ANKRD52: variants seen among roughly 807,000 people sequenced by gnomAD.
ANKRD52 encodes the protein ankyrin repeat domain 52.
In ANKRD52, 7 loss-of-function variants were observed where a neutral mutation model predicts 116.0. The ratio of observed to expected loss-of-function variants is 0.06; its 90% CI spans 0.03 to 0.11. The LOEUF (loss-of-function observed/expected upper bound fraction) is 0.11, where lower values mean the gene tolerates loss of function less well. Among genes scored for constraint, ANKRD52 ranks in the 10% least tolerant of loss-of-function variants. The pLI is 1.00. For missense variants in ANKRD52, 839 were observed against 1,408.6 expected, an observed-to-expected ratio of 0.60 and a Z score of 6.47; for synonymous variants, 528 against 578.1, an observed-to-expected ratio of 0.91 and a Z score of 1.24.
rs369801707 is a variant in ANKRD52 at position 56,256,224 on chromosome 12, C to T, written c.262-240G>A. Among the ~76,000 whole-genome samples the T allele has an allele frequency of 2.6e-5, 4 of 152,294 alleles. No individual in the cohort carries two copies. The East Asian group carries it at 7.7e-4, about 29-fold the overall frequency. ...GGACCCTTTGCTCTTCTTCAAGCCACCTGACTCGCCAACTTAGACCCTGAA... is the reference window on the plus strand; with the variant it reads ...GGACCCTTTGCTCTTCTTCAAGCCATCTGACTCGCCAACTTAGACCCTGAA... On this transcript the variant is annotated intron_variant, in intron 4 of 27. Coordinates refer to ENST00000267116, the MANE Select transcript of ANKRD52 (RefSeq NM_173595.4).
In ANKRD52 at chr12:56,240,600, T is replaced by C. The variant is rs934520688; in HGVS notation, c.*2542A>G. 9 of 151,432 alleles carry C rather than the reference T, an allele frequency of 5.9e-5. No individual in the cohort carries two copies. Among genetic ancestry groups the C allele is most frequent in the Non-Finnish European group, 1.3e-4 (9 of 67,912 alleles). 9.4% of individuals were successfully genotyped at this position (151,432 alleles called of 1,614,324 possible). ...TTAAGTCAAAGAGGTTTAAAAAAAA[T>C]CTTAACATTAAAATAAATATGCAGT... is the stretch of plus-strand genomic sequence containing the variant. On this transcript the variant is annotated 3_prime_UTR_variant, in exon 28 of 28. Transcript: ENST00000267116. This position sits in a 1 kb window ranked among gnomAD's most constrained non-coding sequence, Gnocchi z 4.2.
Position 56,248,270 on chromosome 12 carries a change from T to TGCTCCTCCCTTCCCC in ANKRD52, c.1777-61_1777-47dup, listed in dbSNP as rs1871514755. 1 of 1,596,556 alleles carries TGCTCCTCCCTTCCCC rather than the reference T, an allele frequency of 6.3e-7. No individual in the cohort carries two copies. Among genetic ancestry groups the TGCTCCTCCCTTCCCC allele is most frequent in the Non-Finnish European group, 8.6e-7 (1 of 1,167,100 alleles). On this transcript the variant is annotated intron_variant, in intron 17 of 27. Transcript: ENST00000267116. This position sits in a 1 kb window ranked among gnomAD's most constrained non-coding sequence, Gnocchi z 5.1. ...AGTGCACACAGCTCGGGACCTTCCC[T>TGCTCCTCCCTTCCCC]GCTCCTCCCTTCCCCTTCTCTGCTC...
At position 56,253,272 on chromosome 12, in the gene ANKRD52, C is replaced by T. The variant is rs768879818; in HGVS notation, c.1100+16G>A. 13 of 1,606,680 alleles carry T rather than the reference C, an allele frequency of 8.1e-6. No individual in the cohort carries two copies. Among genetic ancestry groups the T allele is most frequent in the East Asian group, 4.5e-5 (2 of 44,790 alleles). ...GATCTGGGCAGCCCAGAAGTGGAGT[C>T]GGGGCCCTGACTCACCGGGCGGTAT... On this transcript the variant is annotated intron_variant, in intron 10 of 27. Coordinates refer to ENST00000267116, the MANE Select transcript of ANKRD52 (RefSeq NM_173595.4). This position sits in a 1 kb window ranked among gnomAD's most constrained non-coding sequence, Gnocchi z 5.5.
rs1423300979 is a variant in ANKRD52 at position 56,253,267 on chromosome 12, G to A, written c.1100+21C>T. On this transcript the variant is annotated intron_variant, in intron 10 of 27. Transcript: ENST00000267116. This position sits in a 1 kb window ranked among gnomAD's most constrained non-coding sequence, Gnocchi z 5.5. ...GTGCAGATCTGGGCAGCCCAGAAGT[G>A]GAGTCGGGGCCCTGACTCACCGGGC... 3 of 1,600,192 alleles carry A rather than the reference G, an allele frequency of 1.9e-6. No homozygotes were observed. Among genetic ancestry groups the A allele is most frequent in the South Asian group, 1.1e-5 (1 of 90,448 alleles).
rs1388406633 is a variant in ANKRD52, at chr12:56,252,012, C to T, written c.1592+3G>A. On this transcript the variant is annotated splice_donor_region_variant and intron_variant, in intron 15 of 27. Coordinates refer to ENST00000267116, the MANE Select transcript of ANKRD52 (RefSeq NM_173595.4). This position sits in a 1 kb window ranked among gnomAD's most constrained non-coding sequence, Gnocchi z 4.7. ...CATCCCAGGGGCCCTCTCTGCTACT[C>T]ACAAGAAGGCCTCCTTCCTGCGGGA... 2 of 1,613,054 alleles carry T rather than the reference C, an allele frequency of 1.2e-6. No individual in the cohort carries two copies. Among genetic ancestry groups the T allele is most frequent in the East Asian group, 4.5e-5 (2 of 44,880 alleles).
intron 21 of ANKRD52, 77 bp downstream of exon 21, chr12:56,245,300 C>T: frequency 6.2e-7 from 1 of 1,601,728 alleles, no homozygotes; most frequent in Non-Finnish European, 8.5e-7. Flanking sequence ...CCCAGGTCCC[C>T]CCCAACAACC....
chr12:56,240,876 TC>T lies in ANKRD52; in HGVS notation c.*2265del, dbSNP rs1168026616. 1 of 152,138 alleles carries T rather than the reference TC, an allele frequency of 6.6e-6. No homozygotes were observed. The highest frequency in any genetic ancestry group is 1.9e-4 in the East Asian group (1 of 5,162). 9.4% of individuals were successfully genotyped at this position (152,138 alleles called of 1,614,324 possible). On this transcript the variant is annotated 3_prime_UTR_variant, in exon 28 of 28. Transcript: ENST00000267116. The surrounding 1 kb of genome is among the most constrained non-coding windows in gnomAD (Gnocchi z 4.2). The stretch of plus-strand genomic sequence containing the variant: ...AACGGGGCTCTGACACTCAGACGCT[TC>T]CCGCCATCACCAAACATCACGAAAG...
At chr12:56,247,878 G>A (rs1871493214) in intron 18 of ANKRD52, 104 bp from the exon 19 acceptor site, 1 of 1,393,862 alleles carries the variant, frequency 7.2e-7, no homozygotes, top group Admixed American at 2.0e-5. Context: ...ACCTGGGCCA[G>A]GGAGAAATCT....
chr12:56,239,928 GGA>G lies in ANKRD52; in HGVS notation c.*3212_*3213del, dbSNP rs1294629870. The stretch of plus-strand genomic sequence containing the variant: ...AGGAAGAGGGGCCATGGCTGGGGTT[GGA>G]GAGGGAGGTAGGCCCTCCTCAGCCC... On this transcript the variant is annotated 3_prime_UTR_variant, in exon 28 of 28. Transcript: ENST00000267116. The G allele has an allele frequency of 6.6e-6, 1 of 152,446 alleles. No homozygotes were observed. The highest frequency in any genetic ancestry group is 2.4e-5 in the African/African-American group (1 of 41,446). 9.4% of individuals were successfully genotyped at this position (152,446 alleles called of 1,614,324 possible).
Position 56,244,039 on chromosome 12 carries a change from C to G in ANKRD52, c.2888+12G>C. 6.2e-7 allele frequency: 1 copy of G among 1,613,712 alleles called. No individual in the cohort carries two copies. On this transcript the variant is annotated intron_variant, in intron 26 of 27. Coordinates refer to ENST00000267116, the MANE Select transcript of ANKRD52 (RefSeq NM_173595.4). This position sits in a 1 kb window ranked among gnomAD's most constrained non-coding sequence, Gnocchi z 4.9. The stretch of plus-strand genomic sequence containing the variant: ...CTCCCCCAGCCAGGAGCCCCCTTCC[C>G]CAGGCACTCACATCTGCAGCGCACT...
chr12:56,248,993 C>T lies in ANKRD52; in HGVS notation c.1593-123G>A. On this transcript the variant is annotated intron_variant, in intron 15 of 27. Transcript: ENST00000267116. The surrounding 1 kb of genome is among the most constrained non-coding windows in gnomAD (Gnocchi z 5.1). ...CTACCTGGCCGCCACCCGTCCTCAG[C>T]TCTAGGTAGGTTCTCTAAATCCTAC... 1 of 626,010 alleles carries T rather than the reference C, an allele frequency of 1.6e-6. No homozygotes were observed. The highest frequency in any genetic ancestry group is 2.8e-5 in the East Asian group (1 of 35,136). The allele number at this position is 626,010 out of a possible 1,614,324, so 38.8% of individuals were successfully genotyped here. A position where few individuals can be genotyped will look rare whatever the true frequency, so the allele number is the denominator to read the frequency against.
chr12:56,253,625 G>T lies in ANKRD52; in HGVS notation c.985+97C>A. 2 of 1,340,902 alleles carry T rather than the reference G, an allele frequency of 1.5e-6. No homozygotes were observed. Among genetic ancestry groups the T allele is most frequent in the Non-Finnish European group, 2.1e-6 (2 of 953,200 alleles). The allele number at this position is 1,340,902 out of a possible 1,614,324, so 83.1% of individuals were successfully genotyped here. A position where few individuals can be genotyped will look rare whatever the true frequency, so the allele number is the denominator to read the frequency against. ...GTTCCAAGGGCCTATCCTACTGGAA[G>T]AGGGCAGGAGAAGGAAGTTAGGAAC... On this transcript the variant is annotated intron_variant, in intron 9 of 27. Coordinates refer to ENST00000267116, the MANE Select transcript of ANKRD52 (RefSeq NM_173595.4). This position sits in a 1 kb window ranked among gnomAD's most constrained non-coding sequence, Gnocchi z 5.5.
At position 56,253,679 on chromosome 12, in the gene ANKRD52, G is replaced by C. The variant is rs374163880; in HGVS notation, c.985+43C>G. 21 of 1,584,906 alleles carry C rather than the reference G, an allele frequency of 1.3e-5. No individual in the cohort carries two copies. The highest frequency in any genetic ancestry group is 1.6e-5 in the Non-Finnish European group (19 of 1,154,980). ...CCTAGATTCTAGAAATGAGTTCCTT[G>C]GGGGAGGAGGGGATGAGAGCACAAA... On this transcript the variant is annotated intron_variant, in intron 9 of 27. Coordinates refer to ENST00000267116, the MANE Select transcript of ANKRD52 (RefSeq NM_173595.4). The surrounding 1 kb of genome is among the most constrained non-coding windows in gnomAD (Gnocchi z 5.5).
At position 56,255,648 on chromosome 12, in the gene ANKRD52, T is replaced by G. The variant is rs1177529561; in HGVS notation, c.462+136A>C. On this transcript the variant is annotated intron_variant, in intron 5 of 27. Coordinates refer to ENST00000267116, the MANE Select transcript of ANKRD52 (RefSeq NM_173595.4). The surrounding 1 kb of genome is among the most constrained non-coding windows in gnomAD (Gnocchi z 4.3). Reference sequence around the variant, plus strand: ...TAATCTAGTCTGACCATTCATTTAGTGCTTCAGCTTAAGTGTTTATATAAC... The same window carrying G: ...TAATCTAGTCTGACCATTCATTTAGGGCTTCAGCTTAAGTGTTTATATAAC... The G allele has an allele frequency of 1.4e-6, 1 of 736,484 alleles. No homozygotes were observed. 45.6% of individuals were successfully genotyped at this position (736,484 alleles called of 1,614,324 possible). A position where few individuals can be genotyped will look rare whatever the true frequency, so the allele number is the denominator to read the frequency against.
rs961496303 is a variant in ANKRD52 at position 56,244,136 on chromosome 12, G to A, written c.2806-3C>T. The A allele has an allele frequency of 2.5e-6, 4 of 1,613,912 alleles. No individual in the cohort carries two copies. In the African/African-American group the frequency reaches 5.3e-5, roughly 22 times the overall value. ...ATGAGGGCACATTTCTCATGGCCCT[G>A]AGGGAGGGGAACAGAGAGTGGAGAC... is the stretch of plus-strand genomic sequence containing the variant. On this transcript the variant is annotated splice_region_variant and splice_polypyrimidine_tract_variant and intron_variant, in intron 25 of 27. Transcript: ENST00000267116. The surrounding 1 kb of genome is among the most constrained non-coding windows in gnomAD (Gnocchi z 4.9).
In ANKRD52 at chr12:56,248,522, G is replaced by T; in HGVS notation, c.1749C>A (p.Thr583=). 6.3e-7 allele frequency: 1 copy of T among 1,597,616 alleles called. No individual in the cohort carries two copies. Among genetic ancestry groups the T allele is most frequent in the South Asian group, 1.1e-5 (1 of 87,770 alleles). Residue 583 remains threonine (T), a synonymous_variant, in exon 17 of 28, where the codon ACC becomes ACA. Coordinates refer to ENST00000267116, the MANE Select transcript of ANKRD52 (RefSeq NM_173595.4). The surrounding 1 kb of genome is among the most constrained non-coding windows in gnomAD (Gnocchi z 5.1). ...SFNCLEDVES[T]IPVSPLHLAA... is the part of the protein sequence containing the mutation. ...CTAAGTGCAAAGGGCTGACTGGAATGGTGCTCTCCACATCCTCCAGGCAGT... is the reference window on the plus strand; with the variant it reads ...CTAAGTGCAAAGGGCTGACTGGAATTGTGCTCTCCACATCCTCCAGGCAGT...
At chr12:56,245,639 C>G in intron 20 of ANKRD52, 43 bp from the exon 21 acceptor site, 1 of 1,571,928 alleles carries the variant, frequency 6.4e-7, no homozygotes, top group Non-Finnish European at 8.6e-7. Flanking sequence ...AAAGCTCCTC[C>G]TTTTCCACTG....
chr12:56,252,631 G>A lies in ANKRD52; in HGVS notation c.1302-61C>T. On this transcript the variant is annotated intron_variant, in intron 12 of 27. Transcript: ENST00000267116. The surrounding 1 kb of genome is among the most constrained non-coding windows in gnomAD (Gnocchi z 4.7). ...AAAGGGAAGCCACAGGCCCAGGGTG[G>A]GGCTAAGGAAGGATGGGACTAGCAA... is the stretch of plus-strand genomic sequence containing the variant. 1 of 1,576,412 alleles carries A rather than the reference G, an allele frequency of 6.3e-7. No individual in the cohort carries two copies. Among genetic ancestry groups the A allele is most frequent in the Non-Finnish European group, 8.7e-7 (1 of 1,147,378 alleles).
Position 56,243,804 on chromosome 12 carries a change from C to T in ANKRD52, c.2961G>A (p.Val987=), listed in dbSNP as rs1418620608. Residue 987 remains valine (V), a synonymous_variant, in exon 27 of 28, where the codon GTG becomes GTA. Coordinates refer to ENST00000267116, the MANE Select transcript of ANKRD52 (RefSeq NM_173595.4). The surrounding 1 kb of genome is among the most constrained non-coding windows in gnomAD (Gnocchi z 4.6). ...ACCCACCTTCTTCATCCACAGCCAG[C>T]ACTGTGGCCCCATGACTCAGCAGGG... ...VQALLSHGAT[V]LAVDEEGHTP... 7 of 1,560,204 alleles carry T rather than the reference C, an allele frequency of 4.5e-6. No homozygotes were observed. Among genetic ancestry groups the T allele is most frequent in the Non-Finnish European group, 6.1e-6 (7 of 1,151,950 alleles).
Sources: allele counts gnomAD v4.1 joint callset (sites outside exome capture counted in the v4.1 genomes callset), GRCh38; gene constraint gnomAD v4.1.1; non-coding constraint Gnocchi (gnomAD v3.1); transcripts MANE v1.5; gene names NCBI Gene and HGNC (gene_info 2026-07-23, HGNC 2026-07-21).